Variants in DIP2C observed in about 807,000 individuals in gnomAD.
The protein encoded by DIP2C is DIP2 acetate--CoA ligase C (putative), also known as disco-interacting protein 2 homolog C.
In DIP2C, 33 loss-of-function variants were observed where a neutral mutation model predicts 192.4. That is an observed-to-expected ratio of 0.17 (90% confidence interval 0.13 to 0.23). DIP2C has a LOEUF of 0.23. DIP2C is among the 10% of genes least tolerant of loss of function. The pLI is 1.00. For synonymous variants in DIP2C, 979 were observed against 864.1 expected, an observed-to-expected ratio of 1.13 and a Z score of -2.33; for missense variants, 1,537 against 2,110.1, an observed-to-expected ratio of 0.73 and a Z score of 5.32.
chr10:612,485 A>C (rs58168774), intron 1 of DIP2C, among the ~76,000 whole-genome samples: 15,060 of 152,216 alleles, frequency 0.099, 977 homozygotes, highest in African/African-American at 0.18. Flanking sequence ...AAATTTTAAA[A>C]CCTCAGGAGA....
intron 4 of DIP2C, among the ~76,000 whole-genome samples, chr10:429,255 C>G (rs1264859792): frequency 5.3e-5 from 1 of 18,914 alleles, no homozygotes; most frequent in Non-Finnish European, 9.0e-5. Context: ...TGCCTCCCCC[C>G]CGGACCCTGG....
rs1957304797 is a variant in DIP2C at position 327,093 on chromosome 10, G to A, written c.3837C>T (p.Phe1279=). The change falls in exon 31 of 37, where the codon TTC becomes TTT. Residue 1279 remains phenylalanine, a synonymous_variant. Coordinates refer to ENST00000280886, the MANE Select transcript of DIP2C (RefSeq NM_014974.3). Reference sequence around the variant, plus strand: ...GGCCCAGGTCCTTAAACAGCTTTGAGAACGACTGTGTGAGTGCGATCCGAG... The same window carrying A: ...GGCCCAGGTCCTTAAACAGCTTTGAAAACGACTGTGTGAGTGCGATCCGAG... ...ERPRIALTQS[F]SKLFKDLGLH... 1 of 1,614,076 alleles carries A rather than the reference G, an allele frequency of 6.2e-7. No individual in the cohort carries two copies. Among genetic ancestry groups the A allele is most frequent in the Non-Finnish European group, 8.5e-7 (1 of 1,180,042 alleles).
At chr10:334,813 T>G (rs148810653) in intron 29 of DIP2C, among the ~76,000 whole-genome samples, 1 of 152,202 alleles carries the variant, frequency 6.6e-6, no homozygotes, top group South Asian at 2.1e-4. Context: ...TGCCAGTACA[T>G]TGTTCTGGTT....
At chr10:536,462 T>C (rs1254269774) in intron 1 of DIP2C, among the ~76,000 whole-genome samples, 2 of 152,172 alleles carry the variant, frequency 1.3e-5, no homozygotes, top group African/African-American at 4.8e-5. Context: ...GTTGTATCTA[T>C]CTGCAAAGAC....
chr10:474,902 G>A (rs987165549), intron 2 of DIP2C, among the ~76,000 whole-genome samples: 1 of 152,066 alleles, frequency 6.6e-6, no homozygotes, highest in Non-Finnish European at 1.5e-5. Flanking sequence ...TGGAGGAGCT[G>A]CAAGCCAGGT....
At chr10:453,596 G>T (rs1027245277) in intron 3 of DIP2C, among the ~76,000 whole-genome samples, 1 of 152,256 alleles carries the variant, frequency 6.6e-6, no homozygotes, top group Non-Finnish European at 1.5e-5. Context: ...AGGCTAGGAA[G>T]TGACGGCTTA....
At chr10:623,918 C>A (rs776788845) in intron 1 of DIP2C, among the ~76,000 whole-genome samples, 3 of 152,220 alleles carry the variant, frequency 2.0e-5, no homozygotes, top group Non-Finnish European at 4.4e-5. Flanking sequence ...GCTTCCACAG[C>A]CTTCACAGAT....
chr10:537,405 AC>A (rs1459479765), intron 1 of DIP2C, among the ~76,000 whole-genome samples: 1 of 152,222 alleles, frequency 6.6e-6, no homozygotes, highest in African/African-American at 2.4e-5. Flanking sequence ...AATAAGGATC[AC>A]CCTGGCGCAG....
chr10:459,219 C>G (rs1969552062), intron 3 of DIP2C, among the ~76,000 whole-genome samples: 1 of 152,138 alleles, frequency 6.6e-6, no homozygotes, highest in Admixed American at 6.5e-5. Context: ...AACAGACAGC[C>G]AGCCTTGGAA....
At chr10:359,006 T>TA (rs1959192893) in intron 22 of DIP2C, among the ~76,000 whole-genome samples, 1 of 152,194 alleles carries the variant, frequency 6.6e-6, no homozygotes, top group Non-Finnish European at 1.5e-5. Context: ...AACAGGTTTC[T>TA]AAGCCAGGCC....
chr10:573,019 C>CA lies in DIP2C; in HGVS notation c.86-86490dup, dbSNP rs145758211. 2.8e-3 allele frequency among the ~76,000 whole-genome samples: 429 copies of CA among 152,176 alleles called. 3 individuals are homozygous for CA. Among genetic ancestry groups the CA allele is most frequent in the African/African-American group, 0.01 (416 of 41,502 alleles). On this transcript the variant is annotated intron_variant, in intron 1 of 36. Transcript: ENST00000280886. ...CTGAGGCAGTAAATAAACATGTTTT[C>CA]AGCAAATAGCATCATCCACCCACGA...
intron 1 of DIP2C, among the ~76,000 whole-genome samples, chr10:493,861 G>A (rs915546450): frequency 6.6e-6 from 1 of 152,238 alleles, no homozygotes; most frequent in Non-Finnish European, 1.5e-5. Context: ...GATGCCCAAG[G>A]CATCTGGCCA....
intron 1 of DIP2C, among the ~76,000 whole-genome samples, chr10:589,895 C>A (rs541615149): frequency 2.0e-5 from 3 of 152,222 alleles, no homozygotes; most frequent in Admixed American, 1.3e-4. Context: ...GCCATTAAAA[C>A]TGCAATAATT....
At chr10:466,538 T>G (rs1016917529) in intron 3 of DIP2C, among the ~76,000 whole-genome samples, 6 of 132,596 alleles carry the variant, frequency 4.5e-5, no homozygotes, top group African/African-American at 1.6e-4. Flanking sequence ...AATTGACAAA[T>G]GGGATCTGAT....
chr10:478,637 A>C (rs1164903741), intron 2 of DIP2C, among the ~76,000 whole-genome samples: 5 of 127,870 alleles, frequency 3.9e-5, no homozygotes, highest in Non-Finnish European at 4.9e-5. Context: ...TCTTATTCTC[A>C]ACTCATCCCG....
intron 1 of DIP2C, among the ~76,000 whole-genome samples, chr10:560,118 T>C (rs577417017): frequency 3.6e-4 from 55 of 151,686 alleles, no homozygotes; most frequent in Non-Finnish European, 5.9e-4. Flanking sequence ...ACCAAGACAA[T>C]CATGATTTTA....
chr10:611,770 T>TG lies in DIP2C; in HGVS notation c.85+77723dup, dbSNP rs1474184652. On this transcript the variant is annotated intron_variant, in intron 1 of 36. Coordinates refer to ENST00000280886, the MANE Select transcript of DIP2C (RefSeq NM_014974.3). ...GCAGGGGCTCTTGTTCTCCCAGATC[T>TG]GAGCCTGGCCCTCAAACACCAGCTG... 2.0e-5 allele frequency among the ~76,000 whole-genome samples: 3 copies of TG among 152,354 alleles called. No individual in the cohort carries two copies. The East Asian group carries it at 5.8e-4, about 29-fold the overall frequency.
intron 17 of DIP2C, among the ~76,000 whole-genome samples, chr10:374,988 C>T (rs1306448246): frequency 6.6e-6 from 1 of 152,182 alleles, no homozygotes; most frequent in Non-Finnish European, 1.5e-5. Flanking sequence ...CAGGAGGGAC[C>T]ATCTCAGTGA....
intron 1 of DIP2C, among the ~76,000 whole-genome samples, chr10:625,632 G>A (rs142703871): frequency 6.6e-6 from 1 of 152,296 alleles, no homozygotes; most frequent in East Asian, 1.9e-4. Context: ...TGCAGAAGAT[G>A]CTAAGCCATG....
Sources: gnomAD v4.1 joint callset for allele counts (sites outside exome capture counted in the v4.1 genomes callset) on GRCh38, gnomAD v4.1.1 for gene constraint, MANE v1.5 for transcripts, NCBI Gene and HGNC (gene_info 2026-07-23, HGNC 2026-07-21) for gene names.